IMMP2L: variants seen among roughly 807,000 people sequenced by gnomAD.
The protein encoded by IMMP2L is inner mitochondrial membrane peptidase subunit 2, also known as mitochondrial inner membrane protease subunit 2.
In IMMP2L, 18 loss-of-function variants were observed where a neutral mutation model predicts 19.3. That is an observed-to-expected ratio of 0.93 (90% confidence interval 0.64 to 1.38). IMMP2L has a LOEUF of 1.38. IMMP2L is among the 40% of genes most tolerant of loss of function. The pLI is 0.00. For missense variants in IMMP2L, 233 were observed against 218.2 expected (o/e 1.07, Z -0.43); for synonymous variants, 76 against 73.0 (o/e 1.04, Z -0.21).
intron 4 of IMMP2L, among the ~76,000 whole-genome samples, chr7:110,950,841 C>CGCAT (rs1817721849): frequency 2.0e-5 from 2 of 100,634 alleles, no homozygotes; most frequent in South Asian, 3.3e-4. Context: ...CAAAATGTGG[C>CGCAT]ATATATATAT....
At chr7:110,676,119 G>T (rs1353252790) in intron 5 of IMMP2L, among the ~76,000 whole-genome samples, 1 of 152,178 alleles carries the variant, frequency 6.6e-6, no homozygotes, top group Non-Finnish European at 1.5e-5. Flanking sequence ...TTTGAAATAG[G>T]CATGGTTCAA....
chr7:110,922,798 G>C (rs1176473207), intron 4 of IMMP2L, among the ~76,000 whole-genome samples: 2 of 152,132 alleles, frequency 1.3e-5, no homozygotes, highest in South Asian at 2.1e-4. Flanking sequence ...TGTATATCAT[G>C]AGCAAACTGT....
intron 3 of IMMP2L, among the ~76,000 whole-genome samples, chr7:111,121,771 A>G (rs1217555425): frequency 6.6e-6 from 1 of 152,220 alleles, no homozygotes; most frequent in Non-Finnish European, 1.5e-5. Flanking sequence ...ATAAAGACAC[A>G]TGCACACGTA....
chr7:110,899,450 T>C (rs938054967), intron 4 of IMMP2L, among the ~76,000 whole-genome samples: 2 of 152,194 alleles, frequency 1.3e-5, no homozygotes, highest in Non-Finnish European at 1.5e-5. Context: ...CTTAAAAGAA[T>C]TGCCATACTA....
chr7:110,774,257 T>C (rs1219651594), intron 5 of IMMP2L, among the ~76,000 whole-genome samples: 1 of 152,056 alleles, frequency 6.6e-6, no homozygotes, highest in Non-Finnish European at 1.5e-5. Flanking sequence ...GGGAACTTGT[T>C]TGGTTTGATC....
intron 5 of IMMP2L, among the ~76,000 whole-genome samples, chr7:110,798,402 T>C (rs529174383): frequency 1.3e-5 from 2 of 152,036 alleles, no homozygotes; most frequent in South Asian, 2.1e-4. Flanking sequence ...AGGAAGAGAA[T>C]ATACCTCATT....
At chr7:111,505,172 C>A (rs1206795028) in intron 2 of IMMP2L, among the ~76,000 whole-genome samples, 116 of 151,794 alleles carry the variant, frequency 7.6e-4, no homozygotes, top group Admixed American at 4.2e-3. Flanking sequence ...AGGATATGAA[C>A]AGACACTTCT....
intron 4 of IMMP2L, among the ~76,000 whole-genome samples, chr7:110,948,783 G>A (rs997307327): frequency 3.9e-5 from 6 of 152,140 alleles, no homozygotes; most frequent in African/African-American, 1.4e-4. Flanking sequence ...GTCTCTGCAG[G>A]TGTTTCCAGA....
chr7:111,049,699 A>C (rs915793803), intron 3 of IMMP2L, among the ~76,000 whole-genome samples: 2 of 152,224 alleles, frequency 1.3e-5, no homozygotes, highest in Non-Finnish European at 2.9e-5. Context: ...AAGAACAAAA[A>C]ACTATTTGTC....
intron 3 of IMMP2L, among the ~76,000 whole-genome samples, chr7:111,352,793 C>G (rs1340452691): frequency 6.6e-6 from 1 of 152,098 alleles, no homozygotes; most frequent in Admixed American, 6.6e-5. Context: ...CTAGTCACAG[C>G]ATTTGTGTGA....
At chr7:111,388,481 T>C (rs974542558) in intron 3 of IMMP2L, among the ~76,000 whole-genome samples, 1 of 152,050 alleles carries the variant, frequency 6.6e-6, no homozygotes, top group Non-Finnish European at 1.5e-5. Flanking sequence ...GATGGAGATG[T>C]ATATGTATAT....
intron 1 of IMMP2L, among the ~76,000 whole-genome samples, chr7:111,560,696 A>C (rs1585705147): frequency 1.3e-5 from 2 of 152,190 alleles, no homozygotes; most frequent in East Asian, 3.9e-4. Flanking sequence ...CTACCCCAAA[A>C]CAGCCATCTC....
At chr7:111,410,730 T>A (rs1173773988) in intron 3 of IMMP2L, among the ~76,000 whole-genome samples, 1 of 151,778 alleles carries the variant, frequency 6.6e-6, no homozygotes, top group Non-Finnish European at 1.5e-5. Flanking sequence ...ATATTGAGAA[T>A]CACCAAATTA....
intron 3 of IMMP2L, among the ~76,000 whole-genome samples, chr7:111,048,100 C>T (rs1334307050): frequency 1.3e-5 from 2 of 151,282 alleles, no homozygotes; most frequent in South Asian, 2.1e-4. Flanking sequence ...ATTAGCCGGG[C>T]GTGGTGGCAG....
intron 5 of IMMP2L, among the ~76,000 whole-genome samples, chr7:110,882,803 A>AG (rs968250400): frequency 6.6e-6 from 1 of 151,252 alleles, no homozygotes; most frequent in Non-Finnish European, 1.5e-5. Flanking sequence ...AGCATTATAT[A>AG]GGGGAAAAAA....
intron 3 of IMMP2L, among the ~76,000 whole-genome samples, chr7:111,141,951 G>A (rs1219735718): frequency 2.0e-5 from 3 of 152,118 alleles, no homozygotes; most frequent in African/African-American, 4.8e-5. Context: ...AGATCCTCCT[G>A]TCTTAGCCTC....
At chr7:110,767,703 G>A (rs1282401513) in intron 5 of IMMP2L, among the ~76,000 whole-genome samples, 2 of 152,038 alleles carry the variant, frequency 1.3e-5, no homozygotes, top group Admixed American at 6.6e-5. Context: ...ACTAAGCAGG[G>A]GAAGGACTGG....
intron 5 of IMMP2L, among the ~76,000 whole-genome samples, chr7:110,849,208 C>A (rs1805963041): frequency 6.6e-6 from 1 of 152,004 alleles, no homozygotes; most frequent in Non-Finnish European, 1.5e-5. Flanking sequence ...CTTTCTGCTC[C>A]ATTTTGCTGT....
rs955705985 is a variant in IMMP2L, at chr7:111,562,427, C to CCG, written c.-580_-579insCG. The CCG allele has an allele frequency of 6.6e-6, 1 of 151,554 alleles. No homozygotes were observed. The highest frequency in any genetic ancestry group is 2.4e-5 in the African/African-American group (1 of 41,300). 9.4% of individuals were successfully genotyped at this position (151,554 alleles called of 1,614,324 possible). A position where few individuals can be genotyped will look rare whatever the true frequency, so the allele number is the denominator to read the frequency against. Reference sequence around the variant, plus strand: ...GACCCCTGCCAGCCTCACAGCCCCCCACCCGCCGCCGGACGCCGGGCGCCC... The same window carrying CCG: ...GACCCCTGCCAGCCTCACAGCCCCCCCGACCCGCCGCCGGACGCCGGGCGCCC... On this transcript the variant is annotated 5_prime_UTR_variant, in exon 1 of 6. Transcript: ENST00000405709.
Sources: gnomAD v4.1 joint callset for allele counts (sites outside exome capture counted in the v4.1 genomes callset) on GRCh38, gnomAD v4.1.1 for gene constraint, MANE v1.5 for transcripts, NCBI Gene and HGNC (gene_info 2026-07-23, HGNC 2026-07-21) for gene names.